The following PTPRT variants were observed in gnomAD, a reference collection of about 807,000 sequenced individuals.
PTPRT encodes protein tyrosine phosphatase receptor type T.
In PTPRT, 56 loss-of-function variants were observed where a neutral mutation model predicts 176.8. The observed-to-expected ratio is 0.32, with a 90% confidence interval of 0.26 to 0.40. The LOEUF is 0.40. Ranked by LOEUF, PTPRT falls within the 10% of genes least tolerant of loss-of-function variation. The pLI, the probability that PTPRT is intolerant of heterozygous loss-of-function variation, is 1.00. For synonymous variants in PTPRT, 783 were observed against 739.0 expected (o/e 1.06, Z -0.96); for missense variants, 1,540 against 1,908.2 (o/e 0.81, Z 3.60).
chr20:43,067,804 A>C (rs2011125921), intron 1 of PTPRT, among the ~76,000 whole-genome samples: 1 of 149,846 alleles, frequency 6.7e-6, no homozygotes, highest in Non-Finnish European at 1.5e-5. Context: ...CTCTACATAA[A>C]ACTTTTTAAA....
chr20:42,162,176 T>C (rs1396938664), intron 16 of PTPRT, among the ~76,000 whole-genome samples: 1 of 152,186 alleles, frequency 6.6e-6, no homozygotes, highest in Non-Finnish European at 1.5e-5. Flanking sequence ...CTTGCTATTG[T>C]ATAGTTTCCC....
chr20:42,771,376 G>A, intron 5 of PTPRT, 59 bp downstream of exon 5: 1 of 1,449,202 alleles, frequency 6.9e-7, no homozygotes, highest in Non-Finnish European at 9.7e-7. Context: ...CTTCCTTCCA[G>A]TCCTTCTTTT....
At chr20:42,721,556 C>A (rs989579125) in intron 6 of PTPRT, among the ~76,000 whole-genome samples, 16 of 152,188 alleles carry the variant, frequency 1.1e-4, no homozygotes, top group Admixed American at 7.9e-4. Flanking sequence ...CACAGCCATG[C>A]TGAGAAACGG....
chr20:42,622,059 A>G (rs1161619706), intron 7 of PTPRT, among the ~76,000 whole-genome samples: 2 of 152,202 alleles, frequency 1.3e-5, no homozygotes, highest in African/African-American at 4.8e-5. Flanking sequence ...CTGCACACCT[A>G]CATCCTAAAG....
intron 13 of PTPRT, among the ~76,000 whole-genome samples, chr20:42,279,176 G>C (rs889965643): frequency 1.1e-4 from 17 of 151,980 alleles, no homozygotes; most frequent in Admixed American, 2.0e-4. Flanking sequence ...TTGATTCCCA[G>C]GTCTAGAGTG....
At chr20:43,050,471 CA>C (rs1232040894) in intron 1 of PTPRT, among the ~76,000 whole-genome samples, 2 of 152,188 alleles carry the variant, frequency 1.3e-5, no homozygotes, top group Non-Finnish European at 2.9e-5. Flanking sequence ...CATCTACCAC[CA>C]GCTCTCCCTC....
At chr20:42,358,995 A>G (rs552699400) in intron 9 of PTPRT, among the ~76,000 whole-genome samples, 1 of 152,328 alleles carries the variant, frequency 6.6e-6, no homozygotes, top group East Asian at 1.9e-4. Context: ...TAGGCCATCA[A>G]GAGAGACACA....
intron 7 of PTPRT, among the ~76,000 whole-genome samples, chr20:42,578,349 C>A (rs2073302308): frequency 6.6e-6 from 1 of 152,108 alleles, no homozygotes; most frequent in Non-Finnish European, 1.5e-5. Flanking sequence ...AAAGCTGAGG[C>A]TCAGAGACAG....
At chr20:42,842,961 G>A (rs2078305152) in intron 2 of PTPRT, among the ~76,000 whole-genome samples, 1 of 152,146 alleles carries the variant, frequency 6.6e-6, no homozygotes. Flanking sequence ...ATCACATTGG[G>A]GATTCGGTGG....
chr20:42,559,516 C>T (rs967630692), intron 7 of PTPRT, among the ~76,000 whole-genome samples: 5 of 152,194 alleles, frequency 3.3e-5, no homozygotes, highest in African/African-American at 4.8e-5. Flanking sequence ...TTCTGCCTCA[C>T]GATGTCTAAA....
chr20:42,265,240 T>C (rs144686820), intron 13 of PTPRT, among the ~76,000 whole-genome samples: 1 of 152,316 alleles, frequency 6.6e-6, no homozygotes, highest in Non-Finnish European at 1.5e-5. Context: ...GGGTGTTCTC[T>C]AATGTCTATG....
chr20:42,059,555 G>A, the PTPRT span, among the ~76,000 whole-genome samples: 1 of 152,206 alleles, frequency 6.6e-6, no homozygotes, highest in Admixed American at 6.5e-5. Context: ...AAAAAAGGCA[G>A]TGTTTTTTAT....
At chr20:42,575,886 T>C (rs2073250861) in intron 7 of PTPRT, among the ~76,000 whole-genome samples, 1 of 152,118 alleles carries the variant, frequency 6.6e-6, no homozygotes, top group South Asian at 2.1e-4. Context: ...CCTCCCCGCC[T>C]GCCTCCTCCA....
intron 1 of PTPRT, among the ~76,000 whole-genome samples, chr20:43,001,311 T>G (rs1984538316): frequency 6.6e-6 from 1 of 152,204 alleles, no homozygotes; most frequent in Non-Finnish European, 1.5e-5. Flanking sequence ...GAAGGCATCT[T>G]AAATTTTTGG....
intron 13 of PTPRT, 116 bp from the exon 14 acceptor site, chr20:42,248,938 T>C (rs1159737201): frequency 2.4e-6 from 3 of 1,228,740 alleles, no homozygotes; most frequent in Non-Finnish European, 3.4e-6. Context: ...CCAGGCACTG[T>C]GCTAAGGGCA....
chr20:42,153,952 A>T (rs1248717328), intron 17 of PTPRT, among the ~76,000 whole-genome samples: 1 of 152,212 alleles, frequency 6.6e-6, no homozygotes, highest in Non-Finnish European at 1.5e-5. Flanking sequence ...CTCAAGTTTG[A>T]AACCACAGCG....
chr20:42,088,414 C>T (rs1335196440), intron 27 of PTPRT, among the ~76,000 whole-genome samples: 1 of 152,172 alleles, frequency 6.6e-6, no homozygotes. Flanking sequence ...AGCCATCTCA[C>T]CCTGAGAAGT....
chr20:42,242,335 C>A (rs1356107213), intron 14 of PTPRT, among the ~76,000 whole-genome samples: 2 of 152,214 alleles, frequency 1.3e-5, no homozygotes, highest in African/African-American at 4.8e-5. Context: ...TGGGCTCTCC[C>A]ATTCAACATG....
chr20:42,942,149 T>G (rs1430954972), intron 1 of PTPRT, among the ~76,000 whole-genome samples: 1 of 152,152 alleles, frequency 6.6e-6, no homozygotes, highest in Non-Finnish European at 1.5e-5. Flanking sequence ...TGAAGTCCAC[T>G]GATAGAAACC....
Sources: gnomAD v4.1 joint callset for allele counts (sites outside exome capture counted in the v4.1 genomes callset) on GRCh38, gnomAD v4.1.1 for gene constraint, MANE v1.5 for transcripts, NCBI Gene and HGNC (gene_info 2026-07-23, HGNC 2026-07-21) for gene names.